The following PPOX variants were observed in gnomAD, a reference collection of about 807,000 sequenced individuals.
PPOX encodes the protein variegate porphyria.
A neutral mutation model predicts 54.1 loss-of-function variants in PPOX; 23 were observed. The observed-to-expected ratio is 0.43, with a 90% CI of 0.31 to 0.60. The LOEUF (loss-of-function observed/expected upper bound fraction) is 0.60, where lower values mean the gene tolerates loss of function less well. Ranked by LOEUF, PPOX falls within the 20% of genes least tolerant of loss-of-function variation. PPOX has a pLI of 0.13. For missense variants in PPOX, 512 were observed against 601.1 expected (o/e 0.85, Z 1.55); for synonymous variants, 224 against 236.1 (o/e 0.95, Z 0.47).
intron 12 of PPOX, 36 bp from the exon 13 acceptor site, chr1:161,170,998 C>A: frequency 6.2e-7 from 1 of 1,614,136 alleles, no homozygotes; most frequent in East Asian, 2.2e-5. Context: ...ACATCAGACC[C>A]CCAGCTAAAA....
At position 161,169,135 on chromosome 1, in the gene PPOX, A is replaced by G. The variant is rs777527607; in HGVS notation, c.759A>G (p.Arg253=). The G allele has an allele frequency of 3.1e-6, 5 of 1,614,160 alleles. No individual in the cohort carries two copies. The highest frequency in any genetic ancestry group is 2.5e-6 in the Non-Finnish European group (3 of 1,180,026). The part of the protein sequence containing the change: ...HLTSRGVSVL[R]GQPVCGLSLQ... ...CTAGTAGGGGGGTCAGTGTTCTCAG[A>G]GGCCAGCCGGTCTGTGGGCTCAGCC... Residue 253 remains arginine, a synonymous_variant, in exon 7 of 13, where the codon AGA becomes AGG. Coordinates refer to ENST00000367999, the MANE Select transcript of PPOX (RefSeq NM_001122764.3).
chr1:161,167,212 T>C lies in PPOX; in HGVS notation c.200T>C (p.Leu67Pro), dbSNP rs1339328308. ...GPRGIRPAGA[L>P]GARTLLLVSE... is the part of the protein sequence containing the mutation. ...CGGGGAATTAGGCCAGCGGGAGCCC[T>C]AGGGGCCCGGACCTTGCTCCTGGTG... The change falls in exon 3 of 13, where the codon CTA (leucine) becomes CCA (proline). Residue 67 changes from leucine (L) to proline (P), a missense_variant. Physicochemically the swap from Leu to Pro is moderately conservative, Grantham distance 98. Coordinates refer to ENST00000367999, the MANE Select transcript of PPOX (RefSeq NM_001122764.3). 3.1e-6 allele frequency: 5 copies of C among 1,614,012 alleles called. No individual in the cohort carries two copies. The highest frequency in any genetic ancestry group is 1.3e-5 in the African/African-American group (1 of 74,918).
downstream of PPOX, chr1:161,177,295 C>T (rs1454133658): frequency 5.3e-6 from 3 of 569,682 alleles, no homozygotes; most frequent in Non-Finnish European, 9.4e-6. Flanking sequence ...GGCCCCCGTC[C>T]ATACTTCCAC....
Position 161,166,530 on chromosome 1 carries a change from G to T in PPOX, c.-151G>T, listed in dbSNP as rs115158839. ...GCAAGCAGAGCACCTCAGAACTCAG[G>T]CGTACTGCCCGCCGCCCGAGCCCTG... On this transcript the variant is annotated 5_prime_UTR_variant, in exon 1 of 13. Transcript: ENST00000367999. 0.019 allele frequency: 25,351 copies of T among 1,363,058 alleles called. 279 individuals are homozygous for T. The highest frequency in any genetic ancestry group is 0.021 in the Non-Finnish European group (22,325 of 1,054,020). The allele number at this position is 1,363,058 out of a possible 1,614,324, so 84.4% of individuals were successfully genotyped here. A position where few individuals can be genotyped will look rare whatever the true frequency, so the allele number is the denominator to read the frequency against.
At chr1:161,175,744 C>T (rs1663258794), downstream of PPOX, 2 of 1,585,862 alleles carry the variant, frequency 1.3e-6, no homozygotes, top group Admixed American at 3.4e-5. Context: ...GCCTCCCTAT[C>T]CCCAAGCCTC....
At chr1:161,175,598 T>C (rs969686662), downstream of PPOX, among the ~76,000 whole-genome samples, 1 of 152,064 alleles carries the variant, frequency 6.6e-6, no homozygotes, top group East Asian at 1.9e-4. Flanking sequence ...CAGTAGAAAG[T>C]GGAAACCCAA....
downstream of PPOX, among the ~76,000 whole-genome samples, chr1:161,174,588 G>A (rs1414757044): frequency 6.6e-6 from 1 of 152,130 alleles, no homozygotes; most frequent in Admixed American, 6.6e-5. Context: ...ATTTAATCCT[G>A]ACAATTGGCA....
chr1:161,167,658 G>T, intron 4 of PPOX, 172 bp downstream of exon 4: 4 of 957,794 alleles, frequency 4.2e-6, no homozygotes, highest in Non-Finnish European at 6.0e-6. Flanking sequence ...TCCGCCTTTC[G>T]GGTTCAAGCG....
Position 161,169,127 on chromosome 1 carries a change from G to C in PPOX, c.751G>C (p.Val251Leu), listed in dbSNP as rs1393144931. The C allele has an allele frequency of 8.1e-6, 13 of 1,614,100 alleles. No homozygotes were observed. Among genetic ancestry groups the C allele is most frequent in the Non-Finnish European group, 1.1e-5 (13 of 1,180,056 alleles). ...ETHLTSRGVS[V>L]LRGQPVCGLS... ...CCACCTGACTAGTAGGGGGGTCAGT[G>C]TTCTCAGAGGCCAGCCGGTCTGTGG... The change falls in exon 7 of 13, where the codon GTT becomes CTT. Residue 251 changes from valine to leucine, a missense_variant. Coordinates refer to ENST00000367999, the MANE Select transcript of PPOX (RefSeq NM_001122764.3).
rs1659155603 is a variant in PPOX, at chr1:161,166,933, A to G, written c.86A>G (p.Lys29Arg). 2 of 1,613,852 alleles carry G rather than the reference A, an allele frequency of 1.2e-6. No homozygotes were observed. The highest frequency in any genetic ancestry group is 2.7e-5 in the African/African-American group (2 of 74,948). The change falls in exon 2 of 13, where the codon AAG becomes AGG. Residue 29 changes from lysine (K) to arginine (R), a missense_variant and splice_region_variant. Lys to Arg is a conservative substitution (Grantham distance 26). Transcript: ENST00000367999. Reference sequence around the variant, plus strand: ...CTGAGCCGGGCCCCCTGCCCCCCTAAGGTGAGTGCTCCACTTGTGCCAGAG... The same window carrying G: ...CTGAGCCGGGCCCCCTGCCCCCCTAGGGTGAGTGCTCCACTTGTGCCAGAG... ...YHLSRAPCPP[K>R]VVLVESSERL... is the part of the protein sequence containing the mutation.
At position 161,167,851 on chromosome 1, in the gene PPOX, C is replaced by A. The variant is rs759994716; in HGVS notation, c.339-144C>A. 8.7e-4 allele frequency: 1,179 copies of A among 1,347,910 alleles called. 3 individuals carry two copies. The highest frequency in any genetic ancestry group is 1.5e-3 in the Middle Eastern group (6 of 3,896). The allele number at this position is 1,347,910 out of a possible 1,614,324, so 83.5% of individuals were successfully genotyped here. A position where few individuals can be genotyped will look rare whatever the true frequency, so the allele number is the denominator to read the frequency against. Reference sequence around the variant, plus strand: ...GTGCTGGGATTACAGGCGTGAGCCACCACGCCCGACCTGCCTTCCATTTCT... The same window carrying A: ...GTGCTGGGATTACAGGCGTGAGCCAACACGCCCGACCTGCCTTCCATTTCT... On this transcript the variant is annotated intron_variant, in intron 4 of 12. Coordinates refer to ENST00000367999, the MANE Select transcript of PPOX (RefSeq NM_001122764.3).
chr1:161,167,123 G>A lies in PPOX; in HGVS notation c.111G>A (p.Glu37=), dbSNP rs562903184. ...PPKVVLVESS[E]RLGGWIRSVR... Reference sequence around the variant, plus strand: ...AGGTGGTCCTAGTGGAGAGCAGTGAGCGTCTGGGAGGCTGGATTCGCTCCG... The same window carrying A: ...AGGTGGTCCTAGTGGAGAGCAGTGAACGTCTGGGAGGCTGGATTCGCTCCG... The change falls in exon 3 of 13, where the codon GAG becomes GAA. Residue 37 remains glutamate (E), a synonymous_variant. Transcript: ENST00000367999. 1.2e-6 allele frequency: 2 copies of A among 1,614,220 alleles called. No individual in the cohort carries two copies. The highest frequency in any genetic ancestry group is 2.2e-5 in the South Asian group (2 of 91,088).
intron 8 of PPOX, 79 bp downstream of exon 8, chr1:161,169,799 C>T (rs1056210557): frequency 2.5e-6 from 4 of 1,612,194 alleles, no homozygotes; most frequent in African/African-American, 2.7e-5. Context: ...GTCAGCAGGA[C>T]CACACCATGC....
downstream of PPOX, chr1:161,175,693 GCCTA>G (rs1381914976): frequency 5.5e-6 from 8 of 1,465,158 alleles, no homozygotes; most frequent in Non-Finnish European, 7.4e-6. Context: ...TGCAGCCTCA[GCCTA>G]CCTATCCTCT....
At chr1:161,174,861 G>T, downstream of PPOX, 2 of 915,752 alleles carry the variant, frequency 2.2e-6, no homozygotes, top group Non-Finnish European at 3.4e-6. Context: ...AGTGCCGGGT[G>T]CTTCTCCACA....
downstream of PPOX, chr1:161,175,314 G>A (rs1477409310): frequency 4.1e-6 from 5 of 1,211,262 alleles, no homozygotes; most frequent in South Asian, 1.3e-5. Context: ...TCTGACACTG[G>A]CAGTCTGGTT....
chr1:161,169,770 A>C (rs747828070), intron 8 of PPOX, 50 bp downstream of exon 8: 7 of 1,613,672 alleles, frequency 4.3e-6, no homozygotes, highest in Non-Finnish European at 5.9e-6. Flanking sequence ...AGTGAGAAGC[A>C]AAAGCTATAC....
At chr1:161,175,731 C>CA (rs764397880), downstream of PPOX, 32 of 1,568,000 alleles carry the variant, frequency 2.0e-5, no homozygotes, top group Non-Finnish European at 2.7e-5. Flanking sequence ...TCTGCCACTC[C>CA]ATGCCTCCCT....
chr1:161,167,554 TTTC>T (rs367654514), intron 4 of PPOX, 68 bp downstream of exon 4: 89 of 1,350,698 alleles, frequency 6.6e-5, no homozygotes, highest in Admixed American at 1.0e-4. Context: ...TCTTTCTTCT[TTTC>T]TTTTTTTTTT....
Sources: allele counts gnomAD v4.1 joint callset (sites outside exome capture counted in the v4.1 genomes callset), GRCh38; gene constraint gnomAD v4.1.1; transcripts MANE v1.5; gene names NCBI Gene and HGNC (gene_info 2026-07-23, HGNC 2026-07-21).